CSF3R: variants seen among roughly 807,000 people sequenced by gnomAD.
The protein encoded by CSF3R is colony stimulating factor 3 receptor.
In CSF3R, 52 loss-of-function variants were observed where a neutral mutation model predicts 84.4. The ratio of observed to expected loss-of-function variants is 0.62; its 90% confidence interval spans 0.49 to 0.78. The LOEUF (loss-of-function observed/expected upper bound fraction) is 0.78. CSF3R is among the 30% of genes least tolerant of loss of function. CSF3R has a pLI of 0.00. For synonymous variants in CSF3R, 384 were observed against 429.1 expected (o/e 0.89, Z 1.30); for missense variants, 890 against 1,055.7 (o/e 0.84, Z 2.17).
At chr1:36,473,915 G>A in intron 4 of CSF3R, 28 bp from the exon 5 acceptor site, 1 of 1,613,552 alleles carries the variant, frequency 6.2e-7, no homozygotes, top group Non-Finnish European at 8.5e-7. Flanking sequence ...GAGTGTGAGG[G>A]CTTTGGGTGG....
intron 11 of CSF3R, 67 bp downstream of exon 11, chr1:36,469,585 C>A: frequency 6.3e-7 from 1 of 1,578,106 alleles, no homozygotes; most frequent in Non-Finnish European, 8.7e-7. Context: ...TTGTCCCATG[C>A]CTATTGTCAG....
intron 9 of CSF3R, 74 bp from the exon 10 acceptor site, chr1:36,471,720 T>G (rs1570586891): frequency 1.3e-6 from 2 of 1,482,266 alleles, no homozygotes; most frequent in Non-Finnish European, 1.9e-6. Flanking sequence ...CTAGGTGGGG[T>G]GGATGGATCA....
chr1:36,473,771 T>C lies in CSF3R; in HGVS notation c.478A>G (p.Ser160Gly). 1 of 1,614,188 alleles carries C rather than the reference T, an allele frequency of 6.2e-7. No homozygotes were observed. The change falls in exon 5 of 17, where the codon AGT becomes GGT. Residue 160 changes from serine to glycine, a missense_variant. Physicochemically the swap from Ser to Gly is moderately conservative, Grantham distance 56. Coordinates refer to ENST00000373106, the MANE Select transcript of CSF3R (RefSeq NM_000760.4). The stretch of plus-strand genomic sequence containing the variant: ...GTGGGGGCCCCTCCTCACTTGAAAC[T>C]CTTCAGAGTGAAGCTGGTGGGTAGG... ...THLPTSFTLK[S>G]FKSRGNCQTQ...
Position 36,472,999 on chromosome 1 carries a change from T to C in CSF3R, c.674-313A>G. ...AGTGAGGCCTTTCTTGACCAGCATA[T>C]TAAAATAGCCAGTGCTCCCCTTCCC... On this transcript the variant is annotated intron_variant, in intron 6 of 16. Transcript: ENST00000373106. This position sits in a 1 kb window ranked among gnomAD's most constrained non-coding sequence, Gnocchi z 5.0. The C allele has an allele frequency of 2.3e-6, 1 of 431,820 alleles. No individual in the cohort carries two copies. The allele number at this position is 431,820 out of a possible 1,614,324, so 26.7% of individuals were successfully genotyped here. A position where few individuals can be genotyped will look rare whatever the true frequency, so the allele number is the denominator to read the frequency against.
chr1:36,469,050 T>C, intron 12 of CSF3R, 106 bp downstream of exon 12: 2 of 820,072 alleles, frequency 2.4e-6, no homozygotes, highest in Non-Finnish European at 4.2e-6. Flanking sequence ...GGGCTGGAAG[T>C]ATGGTAGGAA....
intron 1 of CSF3R, 98 bp downstream of exon 1, chr1:36,482,713 G>A (rs892594015): frequency 4.6e-5 from 7 of 152,212 alleles, no homozygotes; most frequent in South Asian, 2.1e-4. Context: ...CTAGGACCCC[G>A]GACATGAACA....
intron 1 of CSF3R, 119 bp downstream of exon 1, chr1:36,482,692 G>A (rs1381970758): frequency 1.3e-5 from 2 of 152,172 alleles, no homozygotes; most frequent in Non-Finnish European, 2.9e-5. Flanking sequence ...GACGAATCCC[G>A]GGCCCCAGGC....
chr1:36,471,952 T>C (rs1650772107), intron 9 of CSF3R, 114 bp downstream of exon 9: 1 of 1,055,180 alleles, frequency 9.5e-7, no homozygotes, highest in African/African-American at 1.6e-5. Context: ...GCAAATCACA[T>C]ATAAATGCGT....
intron 3 of CSF3R, chr1:36,478,899 G>T (rs1378631134): frequency 8.9e-6 from 2 of 224,896 alleles, no homozygotes; most frequent in South Asian, 6.3e-5. Flanking sequence ...AACAGAGACA[G>T]TATGTGGCCT....
chr1:36,473,085 A>C, intron 6 of CSF3R: 1 of 392,154 alleles, frequency 2.6e-6, no homozygotes, highest in South Asian at 3.6e-5. Flanking sequence ...TGCTATCTGA[A>C]ATTCTATCTT....
intron 11 of CSF3R, 100 bp from the exon 12 acceptor site, chr1:36,469,357 A>T: frequency 2.1e-6 from 2 of 950,444 alleles, no homozygotes; most frequent in Non-Finnish European, 3.4e-6. Context: ...ACCTGGCCTC[A>T]TGATTCAGGG....
chr1:36,480,118 A>G, intron 2 of CSF3R: 1 of 173,480 alleles, frequency 5.8e-6, no homozygotes, highest in African/African-American at 2.4e-5. Context: ...TTACCCACTG[A>G]CTCCTGCCCC....
At chr1:36,468,724 GTTTA>G (rs929822349) in intron 12 of CSF3R, 150 of 227,438 alleles carry the variant, frequency 6.6e-4, no homozygotes, top group South Asian at 1.7e-3. Context: ...TTGTTTGTTT[GTTTA>G]TTTATTTATT....
Position 36,467,259 on chromosome 1 carries a change from C to T in CSF3R, c.2011G>A (p.Gly671Ser), listed in dbSNP as rs1434097987. Residue 671 changes from glycine (G) to serine (S), a missense_variant, in exon 16 of 17, where the codon GGC becomes AGC. Gly to Ser is a moderately conservative substitution (Grantham distance 56). Transcript: ENST00000373106. This position sits in a 1 kb window ranked among gnomAD's most constrained non-coding sequence, Gnocchi z 4.1. ...SVPDPAHSSLGSWVPTIMEED... is the reference protein window; with the variant it reads ...SVPDPAHSSLSSWVPTIMEED... ...TCCATGATTGTGGGCACCCAGGAGC[C>T]CAGGCTGCTGTGAGCTGGGTCTGGG... The T allele has an allele frequency of 7.4e-6, 12 of 1,614,084 alleles. No individual in the cohort carries two copies. In the Admixed American group the frequency reaches 1.8e-4, roughly 25 times the overall value.
At chr1:36,474,670 T>G (rs1651010706) in intron 4 of CSF3R, among the ~76,000 whole-genome samples, 1 of 152,088 alleles carries the variant, frequency 6.6e-6, no homozygotes, top group African/African-American at 2.4e-5. Flanking sequence ...ATGCCTCAGC[T>G]TGGCACAAAC....
intron 4 of CSF3R, among the ~76,000 whole-genome samples, chr1:36,474,893 A>G (rs1557596503): frequency 6.6e-6 from 1 of 152,154 alleles, no homozygotes; most frequent in African/African-American, 2.4e-5. Flanking sequence ...CCTCAGTTTC[A>G]TCATCTGCAA....
chr1:36,469,299 A>T (rs1238539179), intron 11 of CSF3R, 42 bp from the exon 12 acceptor site: 1 of 1,461,018 alleles, frequency 6.8e-7, no homozygotes, highest in East Asian at 2.3e-5. Context: ...TTAGGGCCTA[A>T]CCTGTGCTAA....
At chr1:36,480,120 T>A (rs1651426541) in intron 2 of CSF3R, 1 of 177,736 alleles carries the variant, frequency 5.6e-6, no homozygotes, top group Admixed American at 5.4e-5. Context: ...ACCCACTGAC[T>A]CCTGCCCCCC....
rs1285938234 is a variant in CSF3R at position 36,473,508 on chromosome 1, G to A, written c.600C>T (p.Gly200=). The change falls in exon 6 of 17, where the codon GGC becomes GGT. Residue 200 remains glycine (G), a synonymous_variant. Transcript: ENST00000373106. ...GCGCATTCTCTGCCTGCACCCAGATGCCCATATTCTGGTACAACAGCAGGT... is the reference window on the plus strand; with the variant it reads ...GCGCATTCTCTGCCTGCACCCAGATACCCATATTCTGGTACAACAGCAGGT... The part of the protein sequence containing the change: ...RKHLLLYQNM[G]IWVQAENALG... 3 of 1,614,004 alleles carry A rather than the reference G, an allele frequency of 1.9e-6. No homozygotes were observed. In the African/African-American group the frequency reaches 4.0e-5, roughly 22 times the overall value.
Sources: allele counts gnomAD v4.1 joint callset (sites outside exome capture counted in the v4.1 genomes callset), GRCh38; gene constraint gnomAD v4.1.1; non-coding constraint Gnocchi (gnomAD v3.1); transcripts MANE v1.5; gene names NCBI Gene and HGNC (gene_info 2026-07-23, HGNC 2026-07-21).